Variants in BUB1B observed in about 807,000 individuals in gnomAD.
BUB1B encodes mitotic checkpoint serine/threonine-protein kinase BUB1 beta.
A neutral mutation model predicts 137.7 loss-of-function variants in BUB1B; 86 were observed. The ratio of observed to expected loss-of-function variants is 0.62; its 90% CI spans 0.52 to 0.75. BUB1B has a LOEUF of 0.75. Ranked by LOEUF, BUB1B falls within the 30% of genes least tolerant of loss-of-function variation. The probability of loss-of-function intolerance (pLI) is 0.00; values close to 1 mark genes in which losing one functional copy is unlikely to be tolerated. For synonymous variants in BUB1B, 420 were observed against 417.9 expected (o/e 1.00, Z -0.06); for missense variants, 1,130 against 1,236.9 (o/e 0.91, Z 1.30).
chr15:40,169,940 ACT>A, intron 2 of BUB1B, 120 bp from the exon 3 acceptor site: 3 of 874,080 alleles, frequency 3.4e-6, no homozygotes, highest in Non-Finnish European at 5.7e-6. Context: ...AAACCCATAA[ACT>A]CTAGTGCAAT....
intron 14 of BUB1B, among the ~76,000 whole-genome samples, 191 bp from the exon 15 acceptor site, chr15:40,205,993 C>T (rs755022994): frequency 6.1e-4 from 93 of 152,232 alleles, no homozygotes; most frequent in South Asian, 1.5e-3. Flanking sequence ...TATGGAGAAT[C>T]TTCCTGGTAC....
At chr15:40,166,005 G>T (rs928854240) in intron 2 of BUB1B, among the ~76,000 whole-genome samples, 21 of 151,662 alleles carry the variant, frequency 1.4e-4, no homozygotes, top group African/African-American at 5.1e-4. Context: ...GGCGTGCGCC[G>T]CCACGCCTGG....
rs775428735 is a variant in BUB1B, at chr15:40,195,617, C to T, written c.1059-928C>T. On this transcript the variant is annotated intron_variant, in intron 8 of 22. Coordinates refer to ENST00000287598, the MANE Select transcript of BUB1B (RefSeq NM_001211.6). ...CCCCCCAACAGTGTAAACGTGTTCC[C>T]GTTTCACCACATCCATGCCAGTGTC... is the stretch of plus-strand genomic sequence containing the variant. Among the ~76,000 whole-genome samples, 130 of 152,108 alleles carry T rather than the reference C, an allele frequency of 8.5e-4. 1 individual carries two copies. The highest frequency in any genetic ancestry group is 1.7e-3 in the Non-Finnish European group (118 of 68,008).
At chr15:40,183,484 A>C (rs938670923) in intron 5 of BUB1B, among the ~76,000 whole-genome samples, 2 of 152,220 alleles carry the variant, frequency 1.3e-5, no homozygotes, top group African/African-American at 4.8e-5. Context: ...AATAATTTAA[A>C]TTGGTCAAAC....
At chr15:40,207,379 G>A (rs2037650868) in intron 15 of BUB1B, among the ~76,000 whole-genome samples, 1 of 152,106 alleles carries the variant, frequency 6.6e-6, no homozygotes, top group African/African-American at 2.4e-5. Flanking sequence ...TGAGGGAGGC[G>A]GATCATTTCA....
rs11630664 is a variant in BUB1B, at chr15:40,208,785, C to G, written c.2143+15C>G. ...TGAGACTTCAGGTAGGATATACATACCACTATATCCATGCCTAGTGAACAC... is the reference window on the plus strand; with the variant it reads ...TGAGACTTCAGGTAGGATATACATAGCACTATATCCATGCCTAGTGAACAC... On this transcript the variant is annotated intron_variant, in intron 16 of 22. Coordinates refer to ENST00000287598, the MANE Select transcript of BUB1B (RefSeq NM_001211.6). The G allele has an allele frequency of 7.5e-6, 12 of 1,601,534 alleles. No individual in the cohort carries two copies. Among genetic ancestry groups the G allele is most frequent in the Non-Finnish European group, 1.0e-5 (12 of 1,169,422 alleles).
intron 20 of BUB1B, among the ~76,000 whole-genome samples, chr15:40,216,571 A>ATATT (rs1457484634): frequency 1.6e-4 from 13 of 83,048 alleles, no homozygotes; most frequent in African/African-American, 1.8e-4. Context: ...ATATATATAT[A>ATATT]TTTTTTTTTT....
Position 40,183,808 on chromosome 15 carries a change from A to C in BUB1B, c.676A>C (p.Thr226Pro), listed in dbSNP as rs587778146. ...VFESSVPQRS[T>P]LAELKSKGKK... The stretch of plus-strand genomic sequence containing the variant: ...TGAGTCTTCTGTACCACAACGAAGC[A>C]CACTAGCTGAACTAAAGAGCAAAGG... Residue 226 changes from threonine to proline, a missense_variant, in exon 6 of 23, where the codon ACA becomes CCA. Transcript: ENST00000287598. 6 of 1,614,024 alleles carry C rather than the reference A, an allele frequency of 3.7e-6. No homozygotes were observed. In the Admixed American group the frequency reaches 1.0e-4, roughly 27 times the overall value.
chr15:40,212,461 C>T, intron 18 of BUB1B, 38 bp from the exon 19 acceptor site: 1 of 1,567,390 alleles, frequency 6.4e-7, no homozygotes, highest in South Asian at 1.1e-5. Flanking sequence ...TAACCATAGA[C>T]TTAACTGAAC....
At position 40,162,234 on chromosome 15, in the gene BUB1B, G is replaced by C. The variant is rs778535990; in HGVS notation, c.35+979G>C. ...TACAAAGGCTGAGGGTGAGAGCTAG[G>C]GGAGGAAGTTGCACCTGGCATGTCC... On this transcript the variant is annotated intron_variant, in intron 1 of 22. Transcript: ENST00000287598. 3.2e-4 allele frequency among the ~76,000 whole-genome samples: 48 copies of C among 152,314 alleles called. 1 individual carries two copies. Among genetic ancestry groups the C allele is most frequent in the Non-Finnish European group, 5.1e-4 (35 of 68,030 alleles).
chr15:40,216,569 ATATTTTTT>A (rs1368597136), intron 20 of BUB1B, among the ~76,000 whole-genome samples: 2 of 56,298 alleles, frequency 3.6e-5, no homozygotes, highest in Non-Finnish European at 6.4e-5. Flanking sequence ...ATATATATAT[ATATTTTTT>A]TTTTTTTTTA....
At chr15:40,199,920 A>G (rs945634556) in intron 10 of BUB1B, 193 bp downstream of exon 10, 1 of 612,054 alleles carries the variant, frequency 1.6e-6, no homozygotes, top group Admixed American at 2.8e-5. Context: ...GGCATGTGAA[A>G]TAAGTGGTGC....
At chr15:40,181,827 T>C (rs1288951683) in intron 5 of BUB1B, among the ~76,000 whole-genome samples, 1 of 152,256 alleles carries the variant, frequency 6.6e-6, no homozygotes, top group Non-Finnish European at 1.5e-5. Context: ...ATAATTTCTG[T>C]TTCTCTGTTG....
chr15:40,168,407 T>C (rs747466819), intron 2 of BUB1B, among the ~76,000 whole-genome samples: 2 of 152,042 alleles, frequency 1.3e-5, no homozygotes, highest in Non-Finnish European at 2.9e-5. Context: ...GAAAAGAGCC[T>C]ACTGGGATTT....
chr15:40,161,162 G>T lies in BUB1B; in HGVS notation c.-59G>T. On this transcript the variant is annotated 5_prime_UTR_variant, in exon 1 of 23. Coordinates refer to ENST00000287598, the MANE Select transcript of BUB1B (RefSeq NM_001211.6). ...GCAGGTTGCGGAAGAAAGCCCAGGC[G>T]GTCTGTGGCCCAGAGGAAAGGCCTG... The T allele has an allele frequency of 1.9e-6, 3 of 1,600,648 alleles. No individual in the cohort carries two copies. Among genetic ancestry groups the T allele is most frequent in the Non-Finnish European group, 2.6e-6 (3 of 1,172,998 alleles).
At chr15:40,171,818 C>T (rs1401079345) in intron 4 of BUB1B, among the ~76,000 whole-genome samples, 4 of 152,066 alleles carry the variant, frequency 2.6e-5, no homozygotes, top group African/African-American at 9.7e-5. Context: ...CCTGTAATCC[C>T]AGCACTACTT....
intron 20 of BUB1B, among the ~76,000 whole-genome samples, chr15:40,214,695 C>T (rs2140908858): frequency 6.6e-6 from 1 of 152,274 alleles, no homozygotes; most frequent in African/African-American, 2.4e-5. Context: ...CCACCTTCTC[C>T]CCTGAGATAG....
At chr15:40,179,925 T>C (rs2037263962) in intron 5 of BUB1B, among the ~76,000 whole-genome samples, 1 of 151,248 alleles carries the variant, frequency 6.6e-6, no homozygotes, top group African/African-American at 2.4e-5. Flanking sequence ...CTATATGCAT[T>C]GAAAACCCCA....
chr15:40,195,048 C>T (rs1436160047), intron 8 of BUB1B, among the ~76,000 whole-genome samples: 5 of 152,020 alleles, frequency 3.3e-5, no homozygotes, highest in Non-Finnish European at 7.4e-5. Flanking sequence ...AAATAAGTTA[C>T]TTAGCGGTTA....
Sources: gnomAD v4.1 joint callset for allele counts (sites outside exome capture counted in the v4.1 genomes callset) on GRCh38, gnomAD v4.1.1 for gene constraint, MANE v1.5 for transcripts, NCBI Gene and HGNC (gene_info 2026-07-23, HGNC 2026-07-21) for gene names.